PCDH15: variants seen among roughly 807,000 people sequenced by gnomAD.
PCDH15 encodes protocadherin related 15.
In PCDH15, 129 loss-of-function variants were observed where a neutral mutation model predicts 178.5. The ratio of observed to expected loss-of-function variants is 0.72; its 90% confidence interval spans 0.63 to 0.84. The LOEUF (loss-of-function observed/expected upper bound fraction) is 0.84. Ranked by LOEUF, PCDH15 falls within the 40% of genes least tolerant of loss-of-function variation. The pLI is 0.00. For missense variants in PCDH15, 2,230 were observed against 2,099.9 expected (o/e 1.06, Z -1.21); for synonymous variants, 800 against 732.0 (o/e 1.09, Z -1.50).
intron 2 of PCDH15, among the ~76,000 whole-genome samples, chr10:54,583,497 G>C (rs1163815954): frequency 6.6e-6 from 1 of 151,988 alleles, no homozygotes; most frequent in Non-Finnish European, 1.5e-5. Flanking sequence ...TAAGGAGAGA[G>C]ATATGCTAGT....
intron 2 of PCDH15, among the ~76,000 whole-genome samples, chr10:55,473,187 G>A (rs2132109364): frequency 6.6e-6 from 1 of 152,202 alleles, no homozygotes; most frequent in African/African-American, 2.4e-5. Flanking sequence ...TGTTAATTCA[G>A]GTTTGTGGAA....
chr10:54,658,720 G>A (rs1441131869), intron 2 of PCDH15, among the ~76,000 whole-genome samples: 1 of 152,058 alleles, frequency 6.6e-6, no homozygotes, highest in East Asian at 1.9e-4. Context: ...ATCCCATAAA[G>A]CAATTACACA....
intron 8 of PCDH15, among the ~76,000 whole-genome samples, chr10:54,302,233 T>C (rs1028462282): frequency 1.3e-5 from 2 of 152,226 alleles, no homozygotes; most frequent in African/African-American, 4.8e-5. Context: ...TTTTAGGTGA[T>C]GTTATTTAGG....
At chr10:54,326,998 T>C (rs1298218077) in intron 7 of PCDH15, among the ~76,000 whole-genome samples, 1 of 152,110 alleles carries the variant, frequency 6.6e-6, no homozygotes, top group African/African-American at 2.4e-5. Context: ...TTTTGATGAT[T>C]CACATATGTA....
chr10:54,013,786 C>T (rs989001135), intron 20 of PCDH15, among the ~76,000 whole-genome samples: 2 of 151,928 alleles, frequency 1.3e-5, no homozygotes, highest in Non-Finnish European at 2.9e-5. Context: ...GCACTAAATG[C>T]CCACATTAAA....
intron 1 of PCDH15, among the ~76,000 whole-genome samples, chr10:55,222,730 C>CACATATATATATATAT: frequency 1.2e-4 from 14 of 121,246 alleles, no homozygotes; most frequent in South Asian, 5.3e-4. Flanking sequence ...CACACACACA[C>CACATATATATATATAT]ATATATATAT....
At chr10:55,445,419 C>A (rs989717643) in intron 2 of PCDH15, among the ~76,000 whole-genome samples, 8 of 152,100 alleles carry the variant, frequency 5.3e-5, no homozygotes, top group African/African-American at 1.9e-4. Flanking sequence ...TGTTTGTATT[C>A]TGACTTCTGA....
In PCDH15 at chr10:54,938,363, T is replaced by C. The variant is rs1285682525; in HGVS notation, c.-79-40863A>G. The stretch of plus-strand genomic sequence containing the variant: ...GTATTAAGTGAAATTTTTTTGTCTA[T>C]ATTCATTAAAGATATTACTTTATAG... On this transcript the variant is annotated intron_variant, in intron 2 of 5. Transcript: ENST00000458638. Among the ~76,000 whole-genome samples the C allele has an allele frequency of 2.6e-5, 4 of 150,962 alleles. No homozygotes were observed. The East Asian group carries it at 5.9e-4, about 22-fold the overall frequency.
At chr10:54,811,414 A>C (rs1345501091) in intron 3 of PCDH15, among the ~76,000 whole-genome samples, 1 of 152,084 alleles carries the variant, frequency 6.6e-6, no homozygotes, top group Non-Finnish European at 1.5e-5. Context: ...TTAGGCTGTA[A>C]ATTTTTATGA....
At position 54,894,543 on chromosome 10, in the gene PCDH15, C is replaced by T. The variant is rs553013904; in HGVS notation, c.-29+2907G>A. Among the ~76,000 whole-genome samples, 14 of 152,240 alleles carry T rather than the reference C, an allele frequency of 9.2e-5. No individual in the cohort carries two copies. The East Asian group carries it at 2.7e-3, about 29-fold the overall frequency. On this transcript the variant is annotated intron_variant, in intron 3 of 5. Transcript: ENST00000458638. The stretch of plus-strand genomic sequence containing the variant: ...TATTCAGATTGACCTGAAAGTTGAA[C>T]TCCAAATTGGAAACATTTTGTAGTT...
intron 3 of PCDH15, among the ~76,000 whole-genome samples, chr10:54,891,920 C>T (rs1174751178): frequency 6.6e-6 from 1 of 152,032 alleles, no homozygotes; most frequent in African/African-American, 2.4e-5. Flanking sequence ...CATGTAGAGA[C>T]TCTGACTTCA....
intron 1 of PCDH15, among the ~76,000 whole-genome samples, chr10:55,288,747 A>G (rs1045771087): frequency 6.6e-6 from 1 of 151,950 alleles, no homozygotes; most frequent in African/African-American, 2.4e-5. Flanking sequence ...CATTGTATGT[A>G]CATACCACAT....
intron 1 of PCDH15, among the ~76,000 whole-genome samples, chr10:54,728,619 C>T (rs1336133482): frequency 5.3e-5 from 8 of 150,982 alleles, no homozygotes; most frequent in Non-Finnish European, 8.9e-5. Flanking sequence ...AAATAAAATG[C>T]ATCCAAATAG....
intron 27 of PCDH15, among the ~76,000 whole-genome samples, chr10:53,858,382 T>C (rs2078892828): frequency 2.0e-5 from 3 of 151,988 alleles, no homozygotes; most frequent in South Asian, 2.1e-4. Context: ...ATGAGAAAAG[T>C]AGCCAAAAGT....
chr10:54,929,893 T>C (rs965621343), intron 2 of PCDH15, among the ~76,000 whole-genome samples: 1 of 152,186 alleles, frequency 6.6e-6, no homozygotes, highest in African/African-American at 2.4e-5. Context: ...TTTTAACATA[T>C]GAGTTAAAAA....
intron 1 of PCDH15, among the ~76,000 whole-genome samples, chr10:55,208,194 C>T (rs1432535710): frequency 6.6e-6 from 1 of 151,890 alleles, no homozygotes; most frequent in Non-Finnish European, 1.5e-5. Context: ...ATGTATTTAT[C>T]AATATAAATG....
At chr10:54,919,880 CTA>C (rs1837440506) in intron 2 of PCDH15, among the ~76,000 whole-genome samples, 2 of 150,402 alleles carry the variant, frequency 1.3e-5, no homozygotes, top group South Asian at 4.2e-4. Context: ...CTCATAAATT[CTA>C]TGAGGTTTGG....
chr10:55,062,946 TAAA>T (rs1212561329), intron 2 of PCDH15, among the ~76,000 whole-genome samples: 1 of 152,114 alleles, frequency 6.6e-6, no homozygotes, highest in African/African-American at 2.4e-5. Context: ...GACACTATAA[TAAA>T]AGATGTATGT....
intron 2 of PCDH15, among the ~76,000 whole-genome samples, chr10:55,376,877 G>T (rs1007171654): frequency 4.6e-5 from 7 of 152,024 alleles, no homozygotes; most frequent in African/African-American, 1.7e-4. Context: ...TAGTATTAGT[G>T]TTACATTTGA....
Sources: gnomAD v4.1 joint callset for allele counts (sites outside exome capture counted in the v4.1 genomes callset) on GRCh38, gnomAD v4.1.1 for gene constraint, MANE v1.5 for transcripts, NCBI Gene and HGNC (gene_info 2026-07-23, HGNC 2026-07-21) for gene names.